The following GALNT13 variants were observed in gnomAD, a reference collection of about 807,000 sequenced individuals.
GALNT13 encodes the protein UDP-GalNAc:polypeptide N-acetylgalactosaminyltransferase 13.
In GALNT13, 28 loss-of-function variants were observed where a neutral mutation model predicts 64.2. The ratio of observed to expected loss-of-function variants is 0.44; its 90% CI spans 0.32 to 0.60. The LOEUF (loss-of-function observed/expected upper bound fraction) is 0.60, where lower values mean the gene tolerates loss of function less well. GALNT13 is among the 20% of genes least tolerant of loss of function. The probability of loss-of-function intolerance (pLI) is 0.05; values close to 1 mark genes in which losing one functional copy is unlikely to be tolerated. For synonymous variants in GALNT13, 214 were observed against 224.6 expected (o/e 0.95, Z 0.42); for missense variants, 577 against 669.8 (o/e 0.86, Z 1.53).
At chr2:153,758,573 T>G in the GALNT13 span, among the ~76,000 whole-genome samples, 1 of 152,098 alleles carries the variant, frequency 6.6e-6, no homozygotes, top group Non-Finnish European at 1.5e-5. Flanking sequence ...TAGATCACTT[T>G]GAGAAATAGG....
chr2:153,261,639 C>T, the GALNT13 span, among the ~76,000 whole-genome samples: 2 of 152,154 alleles, frequency 1.3e-5, no homozygotes, highest in African/African-American at 2.4e-5. Flanking sequence ...CTGAAGCCAG[C>T]GTACCACTGG....
chr2:154,057,365 A>G (rs1699945096), intron 3 of GALNT13, among the ~76,000 whole-genome samples: 1 of 152,202 alleles, frequency 6.6e-6, no homozygotes, highest in Non-Finnish European at 1.5e-5. Context: ...TAGATTGGCA[A>G]TATGAGTATA....
chr2:153,363,779 A>G, the GALNT13 span, among the ~76,000 whole-genome samples: 4 of 152,202 alleles, frequency 2.6e-5, no homozygotes, highest in African/African-American at 9.7e-5. Context: ...CCAGGACCAG[A>G]TGGATTCATA....
chr2:153,659,823 C>T, the GALNT13 span, among the ~76,000 whole-genome samples: 1 of 152,066 alleles, frequency 6.6e-6, no homozygotes, highest in Non-Finnish European at 1.5e-5. Flanking sequence ...AAAAAAGCAG[C>T]TTTGTACTAA....
the GALNT13 span, among the ~76,000 whole-genome samples, chr2:153,798,865 A>G: frequency 3.9e-5 from 6 of 152,246 alleles, no homozygotes; most frequent in South Asian, 1.2e-3. Flanking sequence ...TTATCCCCAC[A>G]TTTCTATCTG....
chr2:154,310,017 C>T (rs1009704421), intron 9 of GALNT13, among the ~76,000 whole-genome samples: 5 of 152,154 alleles, frequency 3.3e-5, no homozygotes, highest in African/African-American at 9.7e-5. Context: ...CATTGGGTCT[C>T]CAAGCTTAAC....
At chr2:153,223,328 T>C in the GALNT13 span, among the ~76,000 whole-genome samples, 68,378 of 152,048 alleles carry the variant, frequency 0.45, 15,768 homozygotes, top group Middle Eastern at 0.6. Flanking sequence ...ATCAAATTGA[T>C]CTAATTAATA....
chr2:153,378,293 T>C, the GALNT13 span, among the ~76,000 whole-genome samples: 1 of 149,246 alleles, frequency 6.7e-6, no homozygotes, highest in Non-Finnish European at 1.5e-5. Context: ...GATAGATAGA[T>C]AGATAGATAG....
chr2:153,747,433 T>G, the GALNT13 span, among the ~76,000 whole-genome samples: 1 of 142,670 alleles, frequency 7.0e-6, no homozygotes, highest in Admixed American at 7.0e-5. Context: ...TTTTTTTTTT[T>G]TTTTTTTTTT....
chr2:154,133,417 TATG>T (rs1682741422), intron 3 of GALNT13, among the ~76,000 whole-genome samples: 1 of 151,424 alleles, frequency 6.6e-6, no homozygotes, highest in African/African-American at 2.4e-5. Flanking sequence ...TGTGAGTTGC[TATG>T]ATTAAAGATT....
the GALNT13 span, among the ~76,000 whole-genome samples, chr2:153,820,799 A>G: frequency 6.6e-6 from 1 of 152,194 alleles, no homozygotes; most frequent in Non-Finnish European, 1.5e-5. Context: ...TAAAACATCT[A>G]CACAATCAAG....
chr2:154,020,733 T>C (rs977673781), intron 3 of GALNT13, among the ~76,000 whole-genome samples: 5 of 150,364 alleles, frequency 3.3e-5, no homozygotes, highest in African/African-American at 1.2e-4. Flanking sequence ...TTTTGGCTTT[T>C]ATTGCCATTG....
chr2:153,483,676 A>C, the GALNT13 span, among the ~76,000 whole-genome samples: 1 of 152,158 alleles, frequency 6.6e-6, no homozygotes, highest in African/African-American at 2.4e-5. Context: ...TTGGCCTCCC[A>C]AAGAGCTGGG....
chr2:153,229,973 C>T, the GALNT13 span, among the ~76,000 whole-genome samples: 2 of 152,190 alleles, frequency 1.3e-5, no homozygotes, highest in East Asian at 1.9e-4. Context: ...AAATCATTTG[C>T]TCCAGTTTTC....
intron 2 of GALNT13, among the ~76,000 whole-genome samples, chr2:153,940,017 G>A (rs1035740599): frequency 2.6e-5 from 4 of 152,002 alleles, no homozygotes; most frequent in Non-Finnish European, 1.5e-5. Flanking sequence ...TTGAATTTTA[G>A]CGTATCATCA....
At chr2:153,126,475 A>G in the GALNT13 span, among the ~76,000 whole-genome samples, 13 of 151,758 alleles carry the variant, frequency 8.6e-5, no homozygotes, top group Non-Finnish European at 1.8e-4. Context: ...AACAACCCTA[A>G]AAATAGGCTT....
At chr2:153,863,258 C>T in the GALNT13 span, among the ~76,000 whole-genome samples, 2,061 of 152,130 alleles carry the variant, frequency 0.014, 45 homozygotes, top group African/African-American at 0.046. Context: ...GATGAAAATC[C>T]AATATGATTC....
chr2:153,510,302 T>A, the GALNT13 span, among the ~76,000 whole-genome samples: 1 of 152,158 alleles, frequency 6.6e-6, no homozygotes, highest in Non-Finnish European at 1.5e-5. Context: ...TGTCTGGCCC[T>A]TTGATATTTT....
At position 154,430,166 on chromosome 2, in the gene GALNT13, C is replaced by T. The variant is rs552474942; in HGVS notation, c.1396-8426C>T. 2.5e-4 allele frequency among the ~76,000 whole-genome samples: 38 copies of T among 152,266 alleles called. No homozygotes were observed. In the South Asian group the frequency reaches 6.8e-3, roughly 27 times the overall value. ...TTCAAGTCTTACTATTTAAGAAATA[C>T]GTCTTCTAAAGTTCTCACTGCCATA... On this transcript the variant is annotated intron_variant, in intron 11 of 12. Transcript: ENST00000392825.
Sources: allele counts gnomAD v4.1 joint callset (sites outside exome capture counted in the v4.1 genomes callset), GRCh38; gene constraint gnomAD v4.1.1; transcripts MANE v1.5; gene names NCBI Gene and HGNC (gene_info 2026-07-23, HGNC 2026-07-21).